ARHGAP26: variants seen among roughly 807,000 people sequenced by gnomAD.
ARHGAP26 encodes the protein Rho GTPase activating protein 26.
ARHGAP26 carries 38 observed loss-of-function variants against 104.8 expected under a neutral mutation model. The observed-to-expected ratio is 0.36, with a 90% CI of 0.28 to 0.48. The LOEUF (loss-of-function observed/expected upper bound fraction) is 0.48, where lower values mean the gene tolerates loss of function less well. Ranked by LOEUF, ARHGAP26 falls within the 20% of genes least tolerant of loss-of-function variation. The pLI is 0.99. For synonymous variants in ARHGAP26, 341 were observed against 340.0 expected, an observed-to-expected ratio of 1.00 and a Z score of -0.03; for missense variants, 704 against 947.9, an observed-to-expected ratio of 0.74 and a Z score of 3.38.
chr5:143,012,564 T>C lies in ARHGAP26; in HGVS notation c.1108-1516T>C, dbSNP rs1425379931. On this transcript the variant is annotated intron_variant, in intron 11 of 22. Coordinates refer to ENST00000645722, the MANE Select transcript of ARHGAP26 (RefSeq NM_001135608.3). ...ATATACATACATACATATATATATA[T>C]ATATATATATATTATGATCAGGTTC... Among the ~76,000 whole-genome samples the C allele has an allele frequency of 7.6e-4, 59 of 77,740 alleles. 11 individuals carry two copies. Among genetic ancestry groups the C allele is most frequent in the African/African-American group, 2.1e-3 (52 of 25,258 alleles). 51.0% of individuals were successfully genotyped at this position (77,740 alleles called of 152,430 possible).
intron 12 of ARHGAP26, among the ~76,000 whole-genome samples, chr5:143,033,189 A>G (rs1055217233): frequency 9.2e-5 from 14 of 152,248 alleles, no homozygotes; most frequent in African/African-American, 3.1e-4. Flanking sequence ...TGGATTACAC[A>G]TGTCATATGT....
At chr5:142,952,744 C>T (rs543884515) in intron 11 of ARHGAP26, among the ~76,000 whole-genome samples, 1 of 152,266 alleles carries the variant, frequency 6.6e-6, no homozygotes, top group South Asian at 2.1e-4. Flanking sequence ...GAGTCTCGCT[C>T]TATCACCCAG....
intron 1 of ARHGAP26, chr5:142,867,878 A>G (rs1193139579): frequency 6.6e-6 from 1 of 152,106 alleles, no homozygotes; most frequent in African/African-American, 2.4e-5. Context: ...TTCACATGTC[A>G]AACATTGAGT....
At chr5:142,809,083 G>A (rs185139139) in intron 1 of ARHGAP26, among the ~76,000 whole-genome samples, 1 of 152,268 alleles carries the variant, frequency 6.6e-6, no homozygotes, top group Non-Finnish European at 1.5e-5. Flanking sequence ...GTTTTCAAAG[G>A]ACTTAGTTGA....
At chr5:143,059,148 C>T (rs1368403394) in intron 17 of ARHGAP26, among the ~76,000 whole-genome samples, 1 of 152,224 alleles carries the variant, frequency 6.6e-6, no homozygotes, top group Non-Finnish European at 1.5e-5. Context: ...AAACTTTGCA[C>T]ACTTGAAGGA....
chr5:142,800,395 G>T (rs1761852066), intron 1 of ARHGAP26, among the ~76,000 whole-genome samples: 1 of 148,496 alleles, frequency 6.7e-6, no homozygotes, highest in African/African-American at 2.5e-5. Context: ...CTGAGATGGA[G>T]TTTCACTGTT....
chr5:142,930,548 A>T (rs1764557626), intron 10 of ARHGAP26, among the ~76,000 whole-genome samples: 1 of 151,976 alleles, frequency 6.6e-6, no homozygotes, highest in Non-Finnish European at 1.5e-5. Flanking sequence ...ACCATCATCA[A>T]CACGCCCACT....
intron 22 of ARHGAP26, among the ~76,000 whole-genome samples, chr5:143,214,458 A>G (rs1374460759): frequency 6.6e-6 from 1 of 152,222 alleles, no homozygotes; most frequent in East Asian, 1.9e-4. Flanking sequence ...CTAAATTAAT[A>G]TTTTTATTAT....
At chr5:142,873,229 T>G (rs977291116) in intron 1 of ARHGAP26, among the ~76,000 whole-genome samples, 171 bp from the exon 2 acceptor site, 1 of 152,258 alleles carries the variant, frequency 6.6e-6, no homozygotes, top group African/African-American at 2.4e-5. Flanking sequence ...CAGTGCTTCA[T>G]ATTGTAACCA....
chr5:143,196,823 C>T (rs551433310), intron 20 of ARHGAP26, among the ~76,000 whole-genome samples: 107 of 152,248 alleles, frequency 7.0e-4, no homozygotes, highest in African/African-American at 1.0e-3. Context: ...GGGAATGTGC[C>T]GTTGGGCGAC....
In ARHGAP26 at chr5:142,894,229, T is replaced by G. The variant is rs377049836; in HGVS notation, c.487-9T>G. 218 of 1,612,682 alleles carry G rather than the reference T, an allele frequency of 1.4e-4. No individual in the cohort carries two copies. Among genetic ancestry groups the G allele is most frequent in the Non-Finnish European group, 1.8e-4 (213 of 1,178,888 alleles). On this transcript the variant is annotated splice_polypyrimidine_tract_variant and intron_variant, in intron 5 of 22. Coordinates refer to ENST00000645722, the MANE Select transcript of ARHGAP26 (RefSeq NM_001135608.3). ...TTGATTTTTCTCTTAAATTCCATCT[T>G]GTTTGTAGGCAGACAGCCAAGTGGA...
chr5:143,214,116 A>ATCTT, intron 22 of ARHGAP26, 28 bp downstream of exon 22: 3 of 351,774 alleles, frequency 8.5e-6, no homozygotes, highest in Non-Finnish European at 1.7e-5. Flanking sequence ...TCACAAAGAT[A>ATCTT]TGGGCGGGGG....
intron 18 of ARHGAP26, among the ~76,000 whole-genome samples, chr5:143,129,451 C>T (rs1032247990): frequency 6.6e-6 from 1 of 152,182 alleles, no homozygotes; most frequent in African/African-American, 2.4e-5. Context: ...TAGTAAGTGA[C>T]TAAAATCAGA....
At chr5:142,947,572 C>T (rs981568674) in intron 11 of ARHGAP26, among the ~76,000 whole-genome samples, 2 of 152,118 alleles carry the variant, frequency 1.3e-5, no homozygotes, top group African/African-American at 4.8e-5. Flanking sequence ...CTGTTATAAC[C>T]TTAAAATTTT....
At position 143,105,163 on chromosome 5, in the gene ARHGAP26, G is replaced by A. The variant is rs568687812; in HGVS notation, c.1539-15825G>A. ...GGCCAAGGTGGGCGGATCACCTGAG[G>A]TCGGGAGTTTGAGACCAGCTTGACC... On this transcript the variant is annotated intron_variant, in intron 17 of 22. Coordinates refer to ENST00000645722, the MANE Select transcript of ARHGAP26 (RefSeq NM_001135608.3). Among the ~76,000 whole-genome samples the A allele has an allele frequency of 3.7e-4, 56 of 152,226 alleles. No homozygotes were observed. In the South Asian group the frequency reaches 7.9e-3, roughly 21 times the overall value.
rs147746184 is a variant in ARHGAP26 at position 143,216,778 on chromosome 5, A to G, written c.2191+2690A>G. On this transcript the variant is annotated intron_variant, in intron 22 of 22. Transcript: ENST00000645722. Reference sequence around the variant, plus strand: ...GAGCAAAAGGCCAAATTGAACCTGAAAGAAAACACCTCTCAGTGTTGACTG... The same window carrying G: ...GAGCAAAAGGCCAAATTGAACCTGAGAGAAAACACCTCTCAGTGTTGACTG... 7.8e-5 allele frequency: 12 copies of G among 154,416 alleles called. No homozygotes were observed. The East Asian group carries it at 2.3e-3, about 29-fold the overall frequency. The allele number at this position is 154,416 out of a possible 1,614,324, so 9.6% of individuals were successfully genotyped here.
chr5:142,929,095 G>A (rs1283537464), intron 10 of ARHGAP26, among the ~76,000 whole-genome samples: 2 of 152,098 alleles, frequency 1.3e-5, no homozygotes, highest in Admixed American at 6.6e-5. Context: ...GTGCTACCAC[G>A]CCCAGCTAAT....
chr5:142,896,648 C>T (rs1310588304), intron 6 of ARHGAP26, among the ~76,000 whole-genome samples: 1 of 152,142 alleles, frequency 6.6e-6, no homozygotes, highest in Non-Finnish European at 1.5e-5. Context: ...CATTCCATTT[C>T]CTGGCATCCT....
At chr5:143,170,797 T>C (rs1399088585) in intron 20 of ARHGAP26, 1 of 152,210 alleles carries the variant, frequency 6.6e-6, no homozygotes, top group Non-Finnish European at 1.5e-5. Context: ...GCTTAGTTGC[T>C]TCTGCGGGCA....
Sources: allele counts gnomAD v4.1 joint callset (sites outside exome capture counted in the v4.1 genomes callset), GRCh38; gene constraint gnomAD v4.1.1; transcripts MANE v1.5; gene names NCBI Gene and HGNC (gene_info 2026-07-23, HGNC 2026-07-21).